The following PLA2G4F variants were observed in gnomAD, a reference collection of about 807,000 sequenced individuals.
The protein encoded by PLA2G4F is cytosolic phospholipase A2 zeta.
PLA2G4F carries 105 observed loss-of-function variants against 103.1 expected under a neutral mutation model. The ratio of observed to expected loss-of-function variants is 1.02; its 90% CI spans 0.87 to 1.20. PLA2G4F has a LOEUF of 1.20. Among genes scored for constraint, PLA2G4F ranks in the 50% most tolerant of loss-of-function variants. PLA2G4F has a pLI of 0.00. For synonymous variants in PLA2G4F, 468 were observed against 441.1 expected (o/e 1.06, Z -0.76); for missense variants, 1,155 against 1,075.9 (o/e 1.07, Z -1.03).
intron 12 of PLA2G4F, 86 bp downstream of exon 12, chr15:42,147,540 C>G: frequency 9.2e-6 from 14 of 1,518,170 alleles, no homozygotes; most frequent in Non-Finnish European, 1.3e-5. Context: ...ATCCCAGCCC[C>G]TCAGGGACTC....
intron 10 of PLA2G4F, 66 bp downstream of exon 10, chr15:42,150,038 C>T (rs563317981): frequency 2.3e-4 from 375 of 1,602,626 alleles, no homozygotes; most frequent in Non-Finnish European, 3.0e-4. Context: ...GAATGGAGCA[C>T]GTTGGGGTAT....
chr15:42,144,890 C>G (rs1242951484), intron 16 of PLA2G4F, among the ~76,000 whole-genome samples: 2 of 152,154 alleles, frequency 1.3e-5, no homozygotes, highest in African/African-American at 2.4e-5. Context: ...TTATCTTTCA[C>G]CCTTCCTAAA....
At chr15:42,151,650 C>T in intron 7 of PLA2G4F, 1 of 985,272 alleles carries the variant, frequency 1.0e-6, no homozygotes, top group Non-Finnish European at 1.2e-6. Flanking sequence ...TCGACATGAC[C>T]AAGTGTGGGG....
chr15:42,150,538 C>T (rs1040795049), intron 8 of PLA2G4F, 52 bp from the exon 9 acceptor site: 5 of 1,599,142 alleles, frequency 3.1e-6, no homozygotes, highest in Non-Finnish European at 4.3e-6. Context: ...GAAAAGTCTC[C>T]CCCAACGTGG....
Position 42,142,789 on chromosome 15 carries a change from C to T in PLA2G4F, c.2143-75G>A, listed in dbSNP as rs76104559. ...CCCGCCGCCCTGGACTCACACACGC[C>T]CAGGCTTCAATGCCAGCTCTGTTTC... On this transcript the variant is annotated intron_variant, in intron 18 of 19. Transcript: ENST00000397272. 299 of 1,484,780 alleles carry T rather than the reference C, an allele frequency of 2.0e-4. 2 individuals carry two copies. In the African/African-American group the frequency reaches 3.6e-3, roughly 18 times the overall value. The allele number at this position is 1,484,780 out of a possible 1,614,324, so 92.0% of individuals were successfully genotyped here.
chr15:42,142,207 G>A lies in PLA2G4F; in HGVS notation c.2330-3C>T. On this transcript the variant is annotated splice_polypyrimidine_tract_variant and splice_region_variant and intron_variant, in intron 19 of 19. Transcript: ENST00000397272. Reference sequence around the variant, plus strand: ...CTCAGCTGTTTGTCGCTCCACACCTGTGGGTGGGGGAAGCAGAGGAGAGGC... The same window carrying A: ...CTCAGCTGTTTGTCGCTCCACACCTATGGGTGGGGGAAGCAGAGGAGAGGC... 1 of 1,607,206 alleles carries A rather than the reference G, an allele frequency of 6.2e-7. No individual in the cohort carries two copies. The highest frequency in any genetic ancestry group is 8.5e-7 in the Non-Finnish European group (1 of 1,176,002).
At position 42,150,396 on chromosome 15, in the gene PLA2G4F, G is replaced by C. The variant is rs1235325533; in HGVS notation, c.862C>G (p.Gln288Glu). ...LSSLPLGQEE[Q>E]CSVALGEGQE... ...ACCTCCCCCAGGGCCACAGAACACTGTTCCTCCTGGCCTAGGGGCAGAGAG... is the reference window on the plus strand; with the variant it reads ...ACCTCCCCCAGGGCCACAGAACACTCTTCCTCCTGGCCTAGGGGCAGAGAG... The change falls in exon 9 of 20, where the codon CAG (glutamine) becomes GAG (glutamate). Residue 288 changes from glutamine (Q) to glutamate (E), a missense_variant. Physicochemically the swap from Gln to Glu is conservative, Grantham distance 29 (BLOSUM62 2). This residue lies in a region of PLA2G4F where 370 missense variants were observed against 364.9 expected (regional missense o/e 1.01). Transcript: ENST00000397272. 1.9e-6 allele frequency: 3 copies of C among 1,612,308 alleles called. No individual in the cohort carries two copies. Among genetic ancestry groups the C allele is most frequent in the South Asian group, 1.1e-5 (1 of 90,620 alleles).
Position 42,141,383 on chromosome 15 carries a change from G to T in PLA2G4F, c.*601C>A. 2.2e-6 allele frequency: 1 copy of T among 456,630 alleles called. No individual in the cohort carries two copies. Among genetic ancestry groups the T allele is most frequent in the Non-Finnish European group, 4.4e-6 (1 of 226,906 alleles). 28.3% of individuals were successfully genotyped at this position (456,630 alleles called of 1,614,324 possible). On this transcript the variant is annotated 3_prime_UTR_variant, in exon 20 of 20. Coordinates refer to ENST00000397272, the MANE Select transcript of PLA2G4F (RefSeq NM_213600.4). ...AGGCTTTAGGGCGCTGGGAAGAGAA[G>T]GGTGATCTGGGAGGAGGCACGAGGA...
At chr15:42,148,950 C>G (rs767664254) in intron 11 of PLA2G4F, 1 of 985,390 alleles carries the variant, frequency 1.0e-6, no homozygotes. Context: ...AACGATCTAG[C>G]CTTGTCAGCG....
rs776190911 is a variant in PLA2G4F, at chr15:42,153,710, C to G, written c.451-50G>C. 5 of 1,603,016 alleles carry G rather than the reference C, an allele frequency of 3.1e-6. No homozygotes were observed. The East Asian group carries it at 8.9e-5, about 29-fold the overall frequency. ...AATTTTTTCAAGGCTCCAAAAGCCT[C>G]CAGAGCTGTTCCTGCCTGCCAGCCC... On this transcript the variant is annotated intron_variant, in intron 4 of 19. Transcript: ENST00000397272.
chr15:42,150,176 T>C (rs1421889982), intron 9 of PLA2G4F, 35 bp from the exon 10 acceptor site: 3 of 1,614,002 alleles, frequency 1.9e-6, no homozygotes, highest in Non-Finnish European at 2.5e-6. Flanking sequence ...CTGAGTTCTC[T>C]GGGCAGGATT....
At chr15:42,153,183 T>G (rs1182276667) in intron 6 of PLA2G4F, 117 bp downstream of exon 6, 8 of 1,214,924 alleles carry the variant, frequency 6.6e-6, no homozygotes, top group Non-Finnish European at 8.1e-6. Flanking sequence ...CTAGCACATC[T>G]CCCCTCCGAG....
At chr15:42,147,589 T>C (rs1229455586) in intron 12 of PLA2G4F, 37 bp downstream of exon 12, 3 of 1,603,340 alleles carry the variant, frequency 1.9e-6, no homozygotes, top group Non-Finnish European at 2.6e-6. Flanking sequence ...CTTTGTGGGG[T>C]CTCCTTTACC....
At chr15:42,144,202 G>A (rs974624432) in intron 17 of PLA2G4F, 58 bp from the exon 18 acceptor site, 120 of 1,528,998 alleles carry the variant, frequency 7.8e-5, no homozygotes, top group East Asian at 6.8e-5. Context: ...GCTAGCAACC[G>A]CTTCTGTATT....
At chr15:42,147,420 A>G in intron 12 of PLA2G4F, 74 bp from the exon 13 acceptor site, 1 of 1,471,120 alleles carries the variant, frequency 6.8e-7, no homozygotes, top group Non-Finnish European at 9.3e-7. Flanking sequence ...AGAGTCTGTG[A>G]GTGGCCCTCC....
intron 14 of PLA2G4F, 25 bp from the exon 15 acceptor site, chr15:42,145,928 T>G: frequency 6.2e-7 from 1 of 1,611,088 alleles, no homozygotes; most frequent in Non-Finnish European, 8.5e-7. Context: ...GAAGGGAAAG[T>G]CACCAGGGGC....
rs200489999 is a variant in PLA2G4F at position 42,144,677 on chromosome 15, A to G, written c.1781-33T>C. On this transcript the variant is annotated intron_variant, in intron 16 of 19. Transcript: ENST00000397272. ...GGGGCGGGACAGTGAAATAGAGGGG[A>G]AAGTGGCATCCTCCTTTGCCCAGTG... The G allele has an allele frequency of 4.6e-6, 7 of 1,527,716 alleles. No individual in the cohort carries two copies. In the East Asian group the frequency reaches 1.4e-4, roughly 30 times the overall value. The allele number at this position is 1,527,716 out of a possible 1,614,324, so 94.6% of individuals were successfully genotyped here.
intron 4 of PLA2G4F, 124 bp from the exon 5 acceptor site, chr15:42,153,784 T>C (rs921144486): frequency 1.8e-6 from 2 of 1,089,600 alleles, no homozygotes; most frequent in Non-Finnish European, 2.7e-6. Context: ...TGGCTTGTCA[T>C]GGACATAGGA....
At chr15:42,153,749 G>A in intron 4 of PLA2G4F, 89 bp from the exon 5 acceptor site, 2 of 1,399,104 alleles carry the variant, frequency 1.4e-6, no homozygotes, top group Non-Finnish European at 1.0e-6. Context: ...TTGGCTCCAG[G>A]GGCTAGAAGG....
Sources: allele counts gnomAD v4.1 joint callset (sites outside exome capture counted in the v4.1 genomes callset), GRCh38; gene constraint gnomAD v4.1.1; regional missense constraint gnomAD v4.1.1; transcripts MANE v1.5; gene names NCBI Gene and HGNC (gene_info 2026-07-23, HGNC 2026-07-21).